The following SNX29 variants were observed in gnomAD, a reference collection of about 807,000 sequenced individuals.
SNX29 encodes sorting nexin 29, also known as sorting nexin-29.
A neutral mutation model predicts 102.1 loss-of-function variants in SNX29; 78 were observed. The ratio of observed to expected loss-of-function variants is 0.76; its 90% CI spans 0.64 to 0.92. The LOEUF (loss-of-function observed/expected upper bound fraction) is 0.92, where lower values mean the gene tolerates loss of function less well. Ranked by LOEUF, SNX29 falls within the 40% of genes least tolerant of loss-of-function variation. The pLI is 0.00. For missense variants in SNX29, 1,280 were observed against 1,061.7 expected, an observed-to-expected ratio of 1.21 and a Z score of -2.86; for synonymous variants, 580 against 414.5, an observed-to-expected ratio of 1.40 and a Z score of -4.85.
chr16:12,416,885 T>C (rs557760976), intron 18 of SNX29, among the ~76,000 whole-genome samples: 2 of 152,352 alleles, frequency 1.3e-5, no homozygotes, highest in African/African-American at 4.8e-5. Context: ...TAGGCCCACC[T>C]CCAGCTTCAG....
At chr16:12,171,025 A>G (rs1184724939) in intron 13 of SNX29, among the ~76,000 whole-genome samples, 4 of 152,052 alleles carry the variant, frequency 2.6e-5, no homozygotes, top group Non-Finnish European at 5.9e-5. Flanking sequence ...CTTAGATCAC[A>G]TAGCAGCTTG....
Position 12,568,925 on chromosome 16 carries a change from C to G in SNX29, c.*296C>G, listed in dbSNP as rs375171048. ...GCTGTTCCTCCACCTTTCTGTAGTTCAGGGCTGGCAGGAGGGTGGGCACCA... is the reference window on the plus strand; with the variant it reads ...GCTGTTCCTCCACCTTTCTGTAGTTGAGGGCTGGCAGGAGGGTGGGCACCA... On this transcript the variant is annotated 3_prime_UTR_variant, in exon 21 of 21. Coordinates refer to ENST00000566228, the MANE Select transcript of SNX29 (RefSeq NM_032167.5). 4.8e-6 allele frequency: 2 copies of G among 418,360 alleles called. No individual in the cohort carries two copies. The highest frequency in any genetic ancestry group is 4.2e-5 in the Admixed American group (1 of 23,754). The allele number at this position is 418,360 out of a possible 1,614,324, so 25.9% of individuals were successfully genotyped here.
At chr16:12,298,787 G>A (rs960667229) in intron 15 of SNX29, among the ~76,000 whole-genome samples, 3 of 152,150 alleles carry the variant, frequency 2.0e-5, no homozygotes, top group Non-Finnish European at 4.4e-5. Flanking sequence ...CAGGGGTGAC[G>A]ATGTGGGTAT....
chr16:12,186,674 T>C (rs976200242), intron 13 of SNX29, among the ~76,000 whole-genome samples: 1 of 152,236 alleles, frequency 6.6e-6, no homozygotes, highest in Non-Finnish European at 1.5e-5. Context: ...CTCTTTAATC[T>C]GGGGAACACC....
At chr16:12,300,752 C>A (rs559160425) in intron 15 of SNX29, among the ~76,000 whole-genome samples, 2 of 152,194 alleles carry the variant, frequency 1.3e-5, no homozygotes, top group Non-Finnish European at 2.9e-5. Context: ...TTCTCAAACT[C>A]AGCCTTGATG....
intron 15 of SNX29, among the ~76,000 whole-genome samples, chr16:12,315,447 G>C (rs1344687889): frequency 6.6e-6 from 1 of 152,182 alleles, no homozygotes; most frequent in Non-Finnish European, 1.5e-5. Context: ...CATTTGTTAT[G>C]TGGATGGAAT....
At chr16:12,002,865 A>G (rs1368761899) in intron 2 of SNX29, 126 bp from the exon 3 acceptor site, 6 of 1,007,510 alleles carry the variant, frequency 6.0e-6, no homozygotes, top group Non-Finnish European at 9.1e-6. Context: ...GGACGTCCTC[A>G]CTTGGCATGC....
rs574518002 is a variant in SNX29, at chr16:11,986,470, A to G, written c.7+9657A>G. Among the ~76,000 whole-genome samples the G allele has an allele frequency of 2.6e-5, 4 of 152,062 alleles. No individual in the cohort carries two copies. In the South Asian group the frequency reaches 8.3e-4, roughly 32 times the overall value. On this transcript the variant is annotated intron_variant, in intron 1 of 20. Coordinates refer to ENST00000566228, the MANE Select transcript of SNX29 (RefSeq NM_032167.5). ...AATATACATTCCTGGCACATTTAAT[A>G]TTTAAATTTGTAGGTATTCCTCTTC...
rs753445847 is a variant in SNX29, at chr16:12,068,669, C to T, written c.1244-388C>T. 1.3e-3 allele frequency among the ~76,000 whole-genome samples: 199 copies of T among 152,248 alleles called. 2 individuals are homozygous for T. Among genetic ancestry groups the T allele is most frequent in the Non-Finnish European group, 5.3e-4 (36 of 68,016 alleles). On this transcript the variant is annotated intron_variant, in intron 9 of 20. Coordinates refer to ENST00000566228, the MANE Select transcript of SNX29 (RefSeq NM_032167.5). ...AAGCGATTCTCCTGCCTCAGCCTCCCGAGTAGTTGGGATTACAGTCGTGCA... is the reference window on the plus strand; with the variant it reads ...AAGCGATTCTCCTGCCTCAGCCTCCTGAGTAGTTGGGATTACAGTCGTGCA...
intron 20 of SNX29, among the ~76,000 whole-genome samples, chr16:12,537,879 G>C (rs1326137291): frequency 6.6e-6 from 1 of 151,978 alleles, no homozygotes; most frequent in African/African-American, 2.4e-5. Context: ...CAGCTTTTTG[G>C]GACGCTAAGG....
chr16:12,278,061 C>T (rs1458016178), intron 15 of SNX29, 25 bp downstream of exon 15: 5 of 1,564,364 alleles, frequency 3.2e-6, no homozygotes, highest in Non-Finnish European at 4.3e-6. Flanking sequence ...GTCTGTGTGT[C>T]TTTGTTTCTG....
intron 18 of SNX29, among the ~76,000 whole-genome samples, chr16:12,425,603 CAGAT>C (rs1287283573): frequency 6.7e-6 from 1 of 148,590 alleles, no homozygotes; most frequent in African/African-American, 2.5e-5. Flanking sequence ...AGAGAAGAGG[CAGAT>C]AGAGACAAGG....
At chr16:12,269,585 C>T (rs1356455654) in intron 14 of SNX29, among the ~76,000 whole-genome samples, 1 of 152,064 alleles carries the variant, frequency 6.6e-6, no homozygotes, top group Non-Finnish European at 1.5e-5. Context: ...TCTTGGATTC[C>T]AGCAGGTGTA....
intron 18 of SNX29, among the ~76,000 whole-genome samples, chr16:12,441,061 T>C (rs1352893611): frequency 1.3e-5 from 2 of 151,560 alleles, no homozygotes; most frequent in African/African-American, 2.4e-5. Flanking sequence ...GTTTCATCTG[T>C]GTTGTAGCAT....
chr16:11,992,875 T>C (rs1300142544), intron 1 of SNX29, among the ~76,000 whole-genome samples: 1 of 152,148 alleles, frequency 6.6e-6, no homozygotes, highest in Non-Finnish European at 1.5e-5. Flanking sequence ...TTTAAATATC[T>C]GCAGGGCTGG....
At chr16:12,439,515 C>G (rs1159935113) in intron 18 of SNX29, among the ~76,000 whole-genome samples, 1 of 152,232 alleles carries the variant, frequency 6.6e-6, no homozygotes, top group Non-Finnish European at 1.5e-5. Context: ...AGTCCCATCT[C>G]ACATGGTGGC....
intron 20 of SNX29, among the ~76,000 whole-genome samples, chr16:12,566,366 C>A (rs4781261): frequency 0.021 from 3,231 of 152,298 alleles, 257 homozygotes; most frequent in East Asian, 0.17. Context: ...CCTCTCCTCT[C>A]CCAACCAACA....
At chr16:12,441,558 G>C (rs1025250841) in intron 18 of SNX29, among the ~76,000 whole-genome samples, 2 of 152,130 alleles carry the variant, frequency 1.3e-5, no homozygotes, top group Non-Finnish European at 2.9e-5. Flanking sequence ...TTTGTCTTCA[G>C]TTCTCCCGTT....
Position 12,260,752 on chromosome 16 carries a change from C to A in SNX29, c.1679-17181C>A, listed in dbSNP as rs180844005. 8.8e-3 allele frequency among the ~76,000 whole-genome samples: 1,328 copies of A among 151,448 alleles called. 9 individuals are homozygous for A. The highest frequency in any genetic ancestry group is 0.017 in the Middle Eastern group (5 of 292). ...CTCAGGTCAGTTCACACGCCCCCAG[C>A]TGGAGTGAGTGTTCGCTGAGCTCCA... is the stretch of plus-strand genomic sequence containing the variant. On this transcript the variant is annotated intron_variant, in intron 14 of 20. Coordinates refer to ENST00000566228, the MANE Select transcript of SNX29 (RefSeq NM_032167.5).
Sources: allele counts gnomAD v4.1 joint callset (sites outside exome capture counted in the v4.1 genomes callset), GRCh38; gene constraint gnomAD v4.1.1; transcripts MANE v1.5; gene names NCBI Gene and HGNC (gene_info 2026-07-23, HGNC 2026-07-21).